LRRC4C: variants seen among roughly 807,000 people sequenced by gnomAD.
LRRC4C encodes the protein leucine-rich repeat-containing protein 4C.
In LRRC4C, 5 loss-of-function variants were observed where a neutral mutation model predicts 33.6. That is an observed-to-expected ratio of 0.15 (90% CI 0.08 to 0.31). The LOEUF (loss-of-function observed/expected upper bound fraction) is 0.31. LRRC4C is among the 10% of genes least tolerant of loss of function. LRRC4C has a pLI of 1.00. For synonymous variants in LRRC4C, 329 were observed against 302.0 expected, an observed-to-expected ratio of 1.09 and a Z score of -0.93; for missense variants, 560 against 796.7, an observed-to-expected ratio of 0.70 and a Z score of 3.58.
chr11:41,069,950 G>A (rs770888511), intron 1 of LRRC4C, among the ~76,000 whole-genome samples: 2 of 152,120 alleles, frequency 1.3e-5, no homozygotes, highest in African/African-American at 4.8e-5. Flanking sequence ...AAAAGAGCCT[G>A]TATAACCAAG....
chr11:40,397,074 C>A (rs1949570490), intron 3 of LRRC4C, among the ~76,000 whole-genome samples: 1 of 151,954 alleles, frequency 6.6e-6, no homozygotes, highest in South Asian at 2.1e-4. Context: ...CTAAACCTTG[C>A]TTTTATTTTA....
chr11:40,877,455 G>A lies in LRRC4C; in HGVS notation c.-407+56180C>T, dbSNP rs138171224. On this transcript the variant is annotated intron_variant, in intron 2 of 6. Coordinates refer to ENST00000528697, the MANE Select transcript of LRRC4C (RefSeq NM_001258419.2). ...TCAACATCAGCAGACTCATCAACCC[G>A]GATTGCATACCACAGTGACTCATTA... Among the ~76,000 whole-genome samples, 626 of 152,090 alleles carry A rather than the reference G, an allele frequency of 4.1e-3. 2 individuals are homozygous for A. Among genetic ancestry groups the A allele is most frequent in the African/African-American group, 0.014 (592 of 41,466 alleles).
intron 1 of LRRC4C, among the ~76,000 whole-genome samples, chr11:41,014,890 T>C (rs1855471855): frequency 6.6e-6 from 1 of 152,170 alleles, no homozygotes; most frequent in Non-Finnish European, 1.5e-5. Context: ...AACTCGGATG[T>C]AGACACGTAA....
intron 1 of LRRC4C, among the ~76,000 whole-genome samples, chr11:41,121,187 T>C (rs1016370635): frequency 1.3e-5 from 2 of 152,214 alleles, no homozygotes; most frequent in African/African-American, 4.8e-5. Flanking sequence ...CTTTTTTCAA[T>C]TATCACTTTT....
At chr11:41,094,040 C>T (rs980246509) in intron 1 of LRRC4C, among the ~76,000 whole-genome samples, 7 of 150,156 alleles carry the variant, frequency 4.7e-5, no homozygotes, top group African/African-American at 1.5e-4. Flanking sequence ...ACCCGGGAGA[C>T]GGAGGTTGCA....
At chr11:40,146,213 T>C (rs547335577) in intron 5 of LRRC4C, among the ~76,000 whole-genome samples, 1 of 152,266 alleles carries the variant, frequency 6.6e-6, no homozygotes, top group African/African-American at 2.4e-5. Flanking sequence ...ACTTATCCCA[T>C]CTTTTTTCAC....
rs574486038 is a variant in LRRC4C at position 40,626,655 on chromosome 11, TA to T, written c.-270+21486del. Among the ~76,000 whole-genome samples, 222 of 152,332 alleles carry T rather than the reference TA, an allele frequency of 1.5e-3. 1 individual carries two copies. Among genetic ancestry groups the T allele is most frequent in the African/African-American group, 5.2e-3 (216 of 41,570 alleles). On this transcript the variant is annotated intron_variant, in intron 3 of 6. Coordinates refer to ENST00000528697, the MANE Select transcript of LRRC4C (RefSeq NM_001258419.2). ...TTGTACATCATTAACATCTGGGTCC[TA>T]AAACTTTGTTCAGCTCTTATTGAGC...
intron 1 of LRRC4C, among the ~76,000 whole-genome samples, chr11:41,285,953 C>T (rs191801758): frequency 1.3e-5 from 2 of 152,194 alleles, no homozygotes; most frequent in African/African-American, 2.4e-5. Flanking sequence ...CCTCAGCCTC[C>T]CGAGTAGCTG....
intron 2 of LRRC4C, among the ~76,000 whole-genome samples, chr11:40,836,185 C>T (rs1952660293): frequency 6.6e-6 from 1 of 152,156 alleles, no homozygotes; most frequent in South Asian, 2.1e-4. Flanking sequence ...GCACCCCCAA[C>T]CTCACCAATC....
At chr11:40,639,610 A>G (rs1187525947) in intron 3 of LRRC4C, among the ~76,000 whole-genome samples, 4 of 152,196 alleles carry the variant, frequency 2.6e-5, no homozygotes, top group East Asian at 1.9e-4. Context: ...TCTGTAATAG[A>G]TGCATGCCAT....
At chr11:41,426,607 C>T (rs1244408039) in intron 1 of LRRC4C, 1 of 152,168 alleles carries the variant, frequency 6.6e-6, no homozygotes, top group East Asian at 1.9e-4. Flanking sequence ...GCCTATTTTC[C>T]TAACATATTC....
Position 41,267,685 on chromosome 11 carries a change from C to T in LRRC4C, c.-496+191746G>A, listed in dbSNP as rs77330453. Among the ~76,000 whole-genome samples, 386 of 152,114 alleles carry T rather than the reference C, an allele frequency of 2.5e-3. 2 individuals are homozygous for T. Among genetic ancestry groups the T allele is most frequent in the Non-Finnish European group, 4.1e-3 (279 of 68,008 alleles). The stretch of plus-strand genomic sequence containing the variant: ...TGGTGCAGATTTGAAACATAATATT[C>T]CTTTAAGAAAAGGAAGCTTAGATTT... On this transcript the variant is annotated intron_variant, in intron 1 of 6. Transcript: ENST00000528697.
chr11:40,397,615 T>C (rs924367695), intron 3 of LRRC4C, among the ~76,000 whole-genome samples: 3 of 152,100 alleles, frequency 2.0e-5, no homozygotes, highest in African/African-American at 7.2e-5. Context: ...GCATGTTTTA[T>C]ACAGAAAATT....
At chr11:41,094,307 C>T (rs1162862436) in intron 1 of LRRC4C, among the ~76,000 whole-genome samples, 1 of 151,930 alleles carries the variant, frequency 6.6e-6, no homozygotes, top group Non-Finnish European at 1.5e-5. Flanking sequence ...GGGCGGATCA[C>T]GAGGTCAGGA....
chr11:40,951,649 T>C (rs564592369), intron 1 of LRRC4C, among the ~76,000 whole-genome samples: 4 of 152,096 alleles, frequency 2.6e-5, no homozygotes, highest in South Asian at 4.1e-4. Flanking sequence ...AATAAGCATA[T>C]GCACCAAGTC....
intron 1 of LRRC4C, among the ~76,000 whole-genome samples, chr11:41,182,962 A>AAG (rs1021014510): frequency 1.3e-5 from 2 of 151,766 alleles, no homozygotes; most frequent in Non-Finnish European, 2.9e-5. Context: ...TGGTGACAGG[A>AAG]AGAGAGAGAG....
chr11:40,734,583 G>T (rs1947760372), intron 2 of LRRC4C, among the ~76,000 whole-genome samples: 1 of 152,144 alleles, frequency 6.6e-6, no homozygotes, highest in Admixed American at 6.5e-5. Context: ...TCAATTAAAA[G>T]AAGAGATTAA....
intron 2 of LRRC4C, among the ~76,000 whole-genome samples, chr11:40,871,308 G>A (rs567343940): frequency 4.5e-4 from 69 of 151,912 alleles, no homozygotes; most frequent in East Asian, 3.5e-3. Flanking sequence ...CACCGTATTC[G>A]TACACTCCCT....
chr11:41,051,940 T>A (rs1262752299), intron 1 of LRRC4C, among the ~76,000 whole-genome samples: 1 of 152,190 alleles, frequency 6.6e-6, no homozygotes, highest in Admixed American at 6.5e-5. Context: ...TTAAATTTTA[T>A]CTTTAAAAAA....
Sources: gnomAD v4.1 joint callset for allele counts (sites outside exome capture counted in the v4.1 genomes callset) on GRCh38, gnomAD v4.1.1 for gene constraint, MANE v1.5 for transcripts, NCBI Gene and HGNC (gene_info 2026-07-23, HGNC 2026-07-21) for gene names.